The following MDN1 variants were observed in gnomAD, a reference collection of about 807,000 sequenced individuals.
MDN1 encodes midasin AAA ATPase 1.
A neutral mutation model predicts 669.2 loss-of-function variants in MDN1; 266 were observed. That is an observed-to-expected ratio of 0.40 (90% confidence interval 0.36 to 0.44). The LOEUF is 0.44. Ranked by LOEUF, MDN1 falls within the 20% of genes least tolerant of loss-of-function variation. The pLI is 1.00. For synonymous variants in MDN1, 2,385 were observed against 2,457.1 expected, an observed-to-expected ratio of 0.97 and a Z score of 0.87; for missense variants, 5,940 against 6,754.0, an observed-to-expected ratio of 0.88 and a Z score of 4.22.
At position 89,702,017 on chromosome 6, in the gene MDN1, G is replaced by A. The variant is rs367877532; in HGVS notation, c.8193C>T (p.Ala2731=). ...CTGGGGCATCTACTTTTACTGTGTC[G>A]GCCACAGTCCAGAACCGGTCCCGCC... ...LRWRDRFWTV[A]DTVKVDAPGL... Residue 2731 remains alanine, a synonymous_variant, in exon 54 of 102, where the codon GCC becomes GCT. Coordinates refer to ENST00000369393, the MANE Select transcript of MDN1 (RefSeq NM_014611.3). The A allele has an allele frequency of 5.1e-5, 83 of 1,613,644 alleles. No homozygotes were observed. The highest frequency in any genetic ancestry group is 7.7e-5 in the South Asian group (7 of 91,050).
intron 80 of MDN1, 102 bp downstream of exon 80, chr6:89,673,134 G>A: frequency 9.3e-7 from 1 of 1,072,094 alleles, no homozygotes; most frequent in Non-Finnish European, 1.4e-6. Flanking sequence ...ACAGGTACAT[G>A]TAGACCAAAA....
chr6:89,684,212 T>A (rs1811845693), intron 71 of MDN1, among the ~76,000 whole-genome samples: 1 of 151,900 alleles, frequency 6.6e-6, no homozygotes, highest in African/African-American at 2.4e-5. Context: ...GCTTGGTGGC[T>A]TGCACCTGTA....
Position 89,714,778 on chromosome 6 carries a change from A to G in MDN1, c.6861-27T>C, listed in dbSNP as rs753588982. On this transcript the variant is annotated intron_variant, in intron 45 of 101. Coordinates refer to ENST00000369393, the MANE Select transcript of MDN1 (RefSeq NM_014611.3). ...TAGAAAAATAGCAATTCAAAGAAAA[A>G]AATGATTTTAAATCCCAGTGCAACC... 8 of 1,582,252 alleles carry G rather than the reference A, an allele frequency of 5.1e-6. No individual in the cohort carries two copies. In the East Asian group the frequency reaches 1.6e-4, roughly 31 times the overall value.
chr6:89,645,074 C>A lies in MDN1; in HGVS notation c.16543G>T (p.Ala5515Ser), dbSNP rs1416345149. The change falls in exon 101 of 102, where the codon GCT becomes TCT. Residue 5515 changes from alanine (A) to serine (S), a missense_variant. Physicochemically the swap from Ala to Ser is moderately conservative, Grantham distance 99. Transcript: ENST00000369393. The stretch of plus-strand genomic sequence containing the variant: ...ACAAAGATATTTGCATTCCGGGCAG[C>A]CTGAACTGCTGCCAGGACTCTTTCT... ...GKERVLAAVQ[A>S]ARNANIFVIF... The A allele has an allele frequency of 6.2e-7, 1 of 1,611,624 alleles. No homozygotes were observed. Among genetic ancestry groups the A allele is most frequent in the Non-Finnish European group, 8.5e-7 (1 of 1,177,988 alleles).
intron 30 of MDN1, 106 bp downstream of exon 30, chr6:89,743,470 G>C (rs1217190835): frequency 5.7e-6 from 8 of 1,396,200 alleles, no homozygotes; most frequent in Non-Finnish European, 7.9e-6. Flanking sequence ...CTGCAGATAT[G>C]CACATTTAAC....
In MDN1 at chr6:89,758,346, G is replaced by A. The variant is rs1277378271; in HGVS notation, c.2611C>T (p.Leu871=). The A allele has an allele frequency of 6.2e-7, 1 of 1,606,378 alleles. No individual in the cohort carries two copies. The highest frequency in any genetic ancestry group is 1.7e-5 in the Admixed American group (1 of 59,266). ...AAACGGAAGTCAGGATGCCGAACCAGTGGCTCTGTTAAGAGAAAATTACAA... is the reference window on the plus strand; with the variant it reads ...AAACGGAAGTCAGGATGCCGAACCAATGGCTCTGTTAAGAGAAAATTACAA... ...VLLDRGDTEP[L]VRHPDFRLFA... is the part of the protein sequence containing the mutation. Residue 871 remains leucine, a synonymous_variant, in exon 19 of 102, where the codon CTG becomes TTG. Transcript: ENST00000369393.
At chr6:89,708,765 A>T in intron 50 of MDN1, 137 bp from the exon 51 acceptor site, 1 of 907,166 alleles carries the variant, frequency 1.1e-6, no homozygotes, top group Non-Finnish European at 1.7e-6. Flanking sequence ...ACCAGTAAAT[A>T]CCATGAGTTT....
At chr6:89,659,123 T>TC (rs1175842852) in intron 88 of MDN1, among the ~76,000 whole-genome samples, 2 of 152,216 alleles carry the variant, frequency 1.3e-5, no homozygotes, top group African/African-American at 4.8e-5. Flanking sequence ...ATGCCTATCA[T>TC]CCCAACACTT....
chr6:89,818,054 A>C (rs1423224287), intron 1 of MDN1, among the ~76,000 whole-genome samples: 1 of 152,148 alleles, frequency 6.6e-6, no homozygotes. Flanking sequence ...GCTGTGGCTC[A>C]TGCCTGTAAT....
At chr6:89,680,470 A>G in intron 74 of MDN1, 119 bp downstream of exon 74, 4 of 1,227,874 alleles carry the variant, frequency 3.3e-6, no homozygotes, top group Non-Finnish European at 4.4e-6. Context: ...TGCTTATTCA[A>G]TCAACTGTTC....
rs375675251 is a variant in MDN1, at chr6:89,699,003, G to A, written c.9030C>T (p.Ser3010=). 9.3e-6 allele frequency: 15 copies of A among 1,613,366 alleles called. No homozygotes were observed. In the East Asian group the frequency reaches 1.3e-4, roughly 14 times the overall value. ...ACATAAACATGGAATTAAATAACTC[G>A]GACCACAAAGATGTAATTTCTTCAG... ...VSPEEITSLW[S]ELFNSMFMSF... Residue 3010 remains serine (S), a synonymous_variant, in exon 59 of 102, where the codon TCC becomes TCT. Coordinates refer to ENST00000369393, the MANE Select transcript of MDN1 (RefSeq NM_014611.3).
chr6:89,765,565 T>C (rs1421348306), intron 15 of MDN1, among the ~76,000 whole-genome samples: 1 of 152,194 alleles, frequency 6.6e-6, no homozygotes, highest in African/African-American at 2.4e-5. Context: ...ACTCCCACCT[T>C]TGCCTCCCAA....
intron 2 of MDN1, among the ~76,000 whole-genome samples, chr6:89,801,642 T>G (rs1180740749): frequency 6.9e-6 from 1 of 143,968 alleles, no homozygotes; most frequent in Non-Finnish European, 1.5e-5. Context: ...AGAGTGAGAC[T>G]CCGTCTCAAA....
At chr6:89,771,039 G>A (rs1818055102) in intron 15 of MDN1, among the ~76,000 whole-genome samples, 1 of 152,154 alleles carries the variant, frequency 6.6e-6, no homozygotes, top group Non-Finnish European at 1.5e-5. Flanking sequence ...GAGAGACTAA[G>A]ATGAGCAATG....
rs1170739876 is a variant in MDN1, at chr6:89,723,576, G to A, written c.5714C>T (p.Ala1905Val). The A allele has an allele frequency of 6.2e-7, 1 of 1,602,618 alleles. No individual in the cohort carries two copies. Among genetic ancestry groups the A allele is most frequent in the South Asian group, 1.1e-5 (1 of 88,720 alleles). The change falls in exon 39 of 102, where the codon GCC becomes GTC. Residue 1905 changes from alanine (A) to valine (V), a missense_variant. By Grantham distance (64) the Ala-to-Val change is moderately conservative. Coordinates refer to ENST00000369393, the MANE Select transcript of MDN1 (RefSeq NM_014611.3). ...CTCAATGGCTGGAAACAAAGTACTG[G>A]CAATGAACTCCATGTCAATTACTGT... ...PLTVIDMEFI[A>V]STLFPAIEKN...
At position 89,692,627 on chromosome 6, in the gene MDN1, A is replaced by C. The variant is rs761721848; in HGVS notation, c.10403T>G (p.Leu3468Arg). The C allele has an allele frequency of 6.2e-7, 1 of 1,614,114 alleles. No individual in the cohort carries two copies. Among genetic ancestry groups the C allele is most frequent in the African/African-American group, 1.3e-5 (1 of 74,950 alleles). Residue 3468 changes from leucine (L) to arginine (R), a missense_variant, in exon 63 of 102, where the codon CTA becomes CGA. Leu to Arg is a moderately radical substitution (Grantham distance 102). Coordinates refer to ENST00000369393, the MANE Select transcript of MDN1 (RefSeq NM_014611.3). ...TLCSVKSEEVLRGLGKLILKR... is the reference protein window; with the variant it reads ...TLCSVKSEEVRRGLGKLILKR... The stretch of plus-strand genomic sequence containing the variant: ...GAGGATTAGCTTCCCAAGGCCTCGT[A>C]GAACCTCCTCAGACTTCACCGAGCA...
intron 73 of MDN1, among the ~76,000 whole-genome samples, chr6:89,682,737 C>CAAAAAAAA (rs1562082853): frequency 1.1e-5 from 1 of 87,962 alleles, no homozygotes; most frequent in Non-Finnish European, 2.4e-5. Context: ...ACTAAAAGTT[C>CAAAAAAAA]AAGACCAGCC....
intron 37 of MDN1, among the ~76,000 whole-genome samples, chr6:89,725,755 T>TTC (rs1243499184): frequency 1.3e-5 from 2 of 151,040 alleles, no homozygotes; most frequent in East Asian, 3.9e-4. Flanking sequence ...TTTTTTTTTT[T>TTC]TGGTAGAGCC....
chr6:89,648,001 G>C (rs372358823), intron 99 of MDN1, 31 bp downstream of exon 99: 1 of 1,503,184 alleles, frequency 6.7e-7, no homozygotes, highest in Non-Finnish European at 9.3e-7. Flanking sequence ...AAAAATAACT[G>C]TGCAGAAGAC....
Sources: allele counts gnomAD v4.1 joint callset (sites outside exome capture counted in the v4.1 genomes callset), GRCh38; gene constraint gnomAD v4.1.1; transcripts MANE v1.5; gene names NCBI Gene and HGNC (gene_info 2026-07-23, HGNC 2026-07-21).